CPA6: variants seen among roughly 807,000 people sequenced by gnomAD.
CPA6 encodes carboxypeptidase B.
A neutral mutation model predicts 63.3 loss-of-function variants in CPA6; 58 were observed. The observed-to-expected ratio is 0.92, with a 90% CI of 0.74 to 1.14. The LOEUF (loss-of-function observed/expected upper bound fraction) is 1.14. Among genes scored for constraint, CPA6 ranks in the 50% most tolerant of loss-of-function variants. The probability of loss-of-function intolerance (pLI) is 0.00; values close to 1 mark genes in which losing one functional copy is unlikely to be tolerated. For synonymous variants in CPA6, 185 were observed against 179.0 expected (o/e 1.03, Z -0.27); for missense variants, 565 against 526.6 (o/e 1.07, Z -0.71).
intron 2 of CPA6, among the ~76,000 whole-genome samples, chr8:67,557,994 A>G (rs1188068437): frequency 6.6e-6 from 1 of 152,078 alleles, no homozygotes; most frequent in Admixed American, 6.6e-5. Flanking sequence ...ACAAAGCCCT[A>G]CATTTTTCTC....
intron 1 of CPA6, among the ~76,000 whole-genome samples, chr8:67,697,618 C>G (rs1486385109): frequency 6.6e-6 from 1 of 152,152 alleles, no homozygotes; most frequent in African/African-American, 2.4e-5. Flanking sequence ...TCAGTCTCAT[C>G]CACTGTTTAA....
At chr8:67,521,473 G>T (rs1812255813) in intron 2 of CPA6, among the ~76,000 whole-genome samples, 1 of 152,148 alleles carries the variant, frequency 6.6e-6, no homozygotes, top group Non-Finnish European at 1.5e-5. Flanking sequence ...GGATTAATTG[G>T]AATCATAGAA....
chr8:67,613,824 A>C (rs1017165050), intron 2 of CPA6, among the ~76,000 whole-genome samples: 8 of 152,136 alleles, frequency 5.3e-5, no homozygotes, highest in African/African-American at 1.9e-4. Flanking sequence ...GCACCCATAT[A>C]AACCCTGAAC....
chr8:67,676,735 T>A (rs1816482528), intron 1 of CPA6, among the ~76,000 whole-genome samples: 1 of 152,248 alleles, frequency 6.6e-6, no homozygotes, highest in Non-Finnish European at 1.5e-5. Flanking sequence ...GGAAGAAGTT[T>A]ATGTTAATTG....
intron 8 of CPA6, among the ~76,000 whole-genome samples, chr8:67,441,390 T>TA (rs1394774222): frequency 6.6e-6 from 1 of 152,174 alleles, no homozygotes; most frequent in African/African-American, 2.4e-5. Flanking sequence ...GATGACTTGG[T>TA]AGTGTAAAGA....
At chr8:67,593,259 A>G (rs1361991256) in intron 2 of CPA6, among the ~76,000 whole-genome samples, 1 of 150,742 alleles carries the variant, frequency 6.6e-6, no homozygotes, top group Non-Finnish European at 1.5e-5. Flanking sequence ...ACAGTTTGTT[A>G]TAATTTCTGT....
At chr8:67,745,418 G>C (rs76304628) in intron 1 of CPA6, among the ~76,000 whole-genome samples, 2 of 152,114 alleles carry the variant, frequency 1.3e-5, no homozygotes, top group East Asian at 1.9e-4. Flanking sequence ...ACCTACGGAG[G>C]GGGGACAAAA....
chr8:67,624,532 G>C (rs1035518927), intron 1 of CPA6, among the ~76,000 whole-genome samples: 1 of 152,230 alleles, frequency 6.6e-6, no homozygotes, highest in African/African-American at 2.4e-5. Flanking sequence ...GAGTGGCAAC[G>C]AGGGACAGGA....
intron 5 of CPA6, among the ~76,000 whole-genome samples, chr8:67,509,108 C>G (rs893398887): frequency 3.3e-5 from 5 of 152,202 alleles, no homozygotes; most frequent in South Asian, 4.2e-4. Flanking sequence ...ATCACAAGAA[C>G]AGCAAGGGGG....
Position 67,707,497 on chromosome 8 carries a change from T to C in CPA6, c.116+38517A>G, listed in dbSNP as rs140340519. On this transcript the variant is annotated intron_variant, in intron 1 of 10. Coordinates refer to ENST00000297770, the MANE Select transcript of CPA6 (RefSeq NM_020361.5). ...ACTATATGTGAGTATTCTTAACTTA[T>C]GGCAATATAGTTATTTGCATAAGTG... Among the ~76,000 whole-genome samples the C allele has an allele frequency of 7.2e-3, 1,102 of 152,388 alleles. 8 individuals carry two copies. The highest frequency in any genetic ancestry group is 0.014 in the Middle Eastern group (4 of 294).
chr8:67,552,616 A>G (rs1812968969), intron 2 of CPA6, among the ~76,000 whole-genome samples: 1 of 151,974 alleles, frequency 6.6e-6, no homozygotes, highest in Non-Finnish European at 1.5e-5. Context: ...TACTAAAAAT[A>G]CAAAAAATTA....
At chr8:67,461,958 A>G (rs1810823223) in intron 8 of CPA6, among the ~76,000 whole-genome samples, 1 of 152,054 alleles carries the variant, frequency 6.6e-6, no homozygotes, top group South Asian at 2.1e-4. Context: ...AGGGTTTTGA[A>G]TAGTGGTTGT....
chr8:67,449,693 C>T (rs761314676), intron 8 of CPA6, among the ~76,000 whole-genome samples: 11 of 152,152 alleles, frequency 7.2e-5, no homozygotes, highest in East Asian at 3.9e-4. Context: ...CTTCTCAGAA[C>T]GGTGAGGTAG....
At chr8:67,458,605 G>A (rs1366778032) in intron 8 of CPA6, among the ~76,000 whole-genome samples, 1 of 152,224 alleles carries the variant, frequency 6.6e-6, no homozygotes, top group Admixed American at 6.5e-5. Context: ...ACAATGTCAA[G>A]AGAATGAGAA....
At chr8:67,648,779 C>T (rs1815771731) in intron 1 of CPA6, among the ~76,000 whole-genome samples, 1 of 152,118 alleles carries the variant, frequency 6.6e-6, no homozygotes, top group Admixed American at 6.5e-5. Context: ...AAGCTGTGAG[C>T]CAGATTTGTA....
intron 2 of CPA6, among the ~76,000 whole-genome samples, chr8:67,613,740 G>T (rs770225931): frequency 6.6e-6 from 1 of 152,192 alleles, no homozygotes; most frequent in Non-Finnish European, 1.5e-5. Context: ...TATACCCATG[G>T]CCCTAAATGA....
At chr8:67,617,404 T>G (rs1055119995) in intron 2 of CPA6, among the ~76,000 whole-genome samples, 4 of 152,210 alleles carry the variant, frequency 2.6e-5, no homozygotes, top group Admixed American at 6.5e-5. Context: ...AATAAGCAGC[T>G]TTTTCTCTCT....
At chr8:67,607,437 G>A (rs184955847) in intron 2 of CPA6, among the ~76,000 whole-genome samples, 3 of 151,742 alleles carry the variant, frequency 2.0e-5, no homozygotes, top group East Asian at 3.9e-4. Context: ...AAATCTTAAC[G>A]GGTCTTCTTT....
chr8:67,632,986 T>C (rs1166475441), intron 1 of CPA6, among the ~76,000 whole-genome samples: 1 of 152,238 alleles, frequency 6.6e-6, no homozygotes, highest in Non-Finnish European at 1.5e-5. Flanking sequence ...TTCTGATGAA[T>C]TTGACAATTT....
Sources: allele counts gnomAD v4.1 joint callset (sites outside exome capture counted in the v4.1 genomes callset), GRCh38; gene constraint gnomAD v4.1.1; transcripts MANE v1.5; gene names NCBI Gene and HGNC (gene_info 2026-07-23, HGNC 2026-07-21).